The following ROBO1 variants were observed in gnomAD, a reference collection of about 807,000 sequenced individuals.
The protein encoded by ROBO1 is roundabout homolog 1.
ROBO1 carries 149 observed loss-of-function variants against 195.9 expected under a neutral mutation model. The ratio of observed to expected loss-of-function variants is 0.76; its 90% CI spans 0.67 to 0.87. The LOEUF is 0.87. Ranked by LOEUF, ROBO1 falls within the 40% of genes least tolerant of loss-of-function variation. The pLI, the probability that ROBO1 is intolerant of heterozygous loss-of-function variation, is 0.00. For synonymous variants in ROBO1, 816 were observed against 733.2 expected (o/e 1.11, Z -1.82); for missense variants, 1,933 against 2,068.3 (o/e 0.93, Z 1.27).
At chr3:79,673,303 A>G (rs1309289458) in intron 1 of ROBO1, among the ~76,000 whole-genome samples, 1 of 151,956 alleles carries the variant, frequency 6.6e-6, no homozygotes, top group Non-Finnish European at 1.5e-5. Context: ...AGGGTAAAAC[A>G]TGAATGTTTT....
chr3:79,172,995 G>A (rs2081193644), intron 2 of ROBO1, among the ~76,000 whole-genome samples: 1 of 152,084 alleles, frequency 6.6e-6, no homozygotes, highest in South Asian at 2.1e-4. Flanking sequence ...TATTTCAGTT[G>A]TGTTCATATC....
chr3:79,176,094 C>T (rs2081257774), intron 2 of ROBO1, among the ~76,000 whole-genome samples: 1 of 152,118 alleles, frequency 6.6e-6, no homozygotes, highest in Non-Finnish European at 1.5e-5. Flanking sequence ...TGAGCCAGAT[C>T]CCTAAGCCCA....
intron 1 of ROBO1, among the ~76,000 whole-genome samples, chr3:79,707,319 A>G (rs989028393): frequency 6.6e-6 from 1 of 152,046 alleles, no homozygotes; most frequent in Admixed American, 6.6e-5. Context: ...TATCCTTTTA[A>G]TCTCCACAGG....
intron 4 of ROBO1, among the ~76,000 whole-genome samples, chr3:78,862,369 G>A (rs2034904691): frequency 6.6e-6 from 1 of 152,160 alleles, no homozygotes; most frequent in East Asian, 1.9e-4. Flanking sequence ...CAAGTTGAAT[G>A]AATTTGGAAG....
At chr3:78,814,684 G>A (rs987877024) in intron 4 of ROBO1, among the ~76,000 whole-genome samples, 13 of 152,032 alleles carry the variant, frequency 8.6e-5, no homozygotes, top group African/African-American at 2.7e-4. Context: ...AATTCAAGCC[G>A]TATTCATAAA....
chr3:79,751,028 T>C (rs1704109343), intron 1 of ROBO1, among the ~76,000 whole-genome samples: 1 of 152,236 alleles, frequency 6.6e-6, no homozygotes, highest in African/African-American at 2.4e-5. Flanking sequence ...TGTAGATTTG[T>C]AGTCTAACTC....
intron 2 of ROBO1, among the ~76,000 whole-genome samples, chr3:79,575,209 AG>A (rs545682175): frequency 0.01 from 1,244 of 121,478 alleles, 50 homozygotes; most frequent in African/African-American, 0.035. Flanking sequence ...TATATATAAC[AG>A]ATATATATAT....
chr3:79,545,927 T>C (rs1280309116), intron 2 of ROBO1, among the ~76,000 whole-genome samples: 4 of 152,088 alleles, frequency 2.6e-5, no homozygotes, highest in African/African-American at 9.7e-5. Context: ...TGGGTTTGAA[T>C]TGCATGGGTC....
intron 14 of ROBO1, among the ~76,000 whole-genome samples, chr3:78,665,019 G>C (rs1707651120): frequency 6.6e-6 from 1 of 152,052 alleles, no homozygotes; most frequent in Non-Finnish European, 1.5e-5. Flanking sequence ...AAAATGTTAA[G>C]GAAAAGATGT....
chr3:78,918,063 C>A (rs143569068), intron 4 of ROBO1, among the ~76,000 whole-genome samples: 3 of 152,082 alleles, frequency 2.0e-5, no homozygotes, highest in African/African-American at 7.2e-5. Flanking sequence ...TATTAACTGA[C>A]GCTGAATAAC....
chr3:78,772,482 G>T (rs2083400280), intron 4 of ROBO1, among the ~76,000 whole-genome samples: 1 of 152,048 alleles, frequency 6.6e-6, no homozygotes, highest in Admixed American at 6.5e-5. Flanking sequence ...AAGATATAAT[G>T]TTAGGCATAG....
At chr3:78,627,878 T>C (rs1674751114) in intron 25 of ROBO1, among the ~76,000 whole-genome samples, 1 of 152,088 alleles carries the variant, frequency 6.6e-6, no homozygotes, top group African/African-American at 2.4e-5. Flanking sequence ...GTCCCTCCAA[T>C]ATGTTCTCTA....
chr3:78,853,970 C>T (rs1435587192), intron 4 of ROBO1, among the ~76,000 whole-genome samples: 1 of 152,094 alleles, frequency 6.6e-6, no homozygotes, highest in Non-Finnish European at 1.5e-5. Context: ...CCACCAGATC[C>T]TTCCCACAAC....
chr3:78,604,815 C>T (rs1703374580), intron 29 of ROBO1, among the ~76,000 whole-genome samples: 1 of 152,124 alleles, frequency 6.6e-6, no homozygotes. Context: ...GTTAAGTGCC[C>T]CTGTAGGTTT....
intron 10 of ROBO1, among the ~76,000 whole-genome samples, chr3:78,681,217 A>T (rs1559739488): frequency 6.6e-6 from 1 of 152,006 alleles, no homozygotes; most frequent in African/African-American, 2.4e-5. Flanking sequence ...TAGCATTAGG[A>T]GATATACCTA....
intron 2 of ROBO1, among the ~76,000 whole-genome samples, chr3:79,290,760 T>C (rs13097528): frequency 6.6e-6 from 1 of 152,186 alleles, no homozygotes; most frequent in Non-Finnish European, 1.5e-5. Context: ...ACATTCTTTT[T>C]GTTCCATGCT....
intron 1 of ROBO1, among the ~76,000 whole-genome samples, chr3:79,685,860 A>G (rs1310003311): frequency 2.0e-5 from 3 of 152,314 alleles, no homozygotes; most frequent in East Asian, 3.9e-4. Flanking sequence ...AATCTTCCCT[A>G]ACTCATTTTA....
At chr3:78,997,465 T>C (rs1003356944) in intron 3 of ROBO1, among the ~76,000 whole-genome samples, 1 of 152,148 alleles carries the variant, frequency 6.6e-6, no homozygotes, top group Non-Finnish European at 1.5e-5. Context: ...AGTAATTCAC[T>C]CTTCTGTGCT....
intron 4 of ROBO1, among the ~76,000 whole-genome samples, chr3:78,757,647 T>C (rs909569161): frequency 1.3e-5 from 2 of 151,954 alleles, no homozygotes; most frequent in South Asian, 2.1e-4. Flanking sequence ...CTAGAGAAAA[T>C]AGCTATTGAA....
Sources: allele counts gnomAD v4.1 joint callset (sites outside exome capture counted in the v4.1 genomes callset), GRCh38; gene constraint gnomAD v4.1.1; transcripts MANE v1.5; gene names NCBI Gene and HGNC (gene_info 2026-07-23, HGNC 2026-07-21).